USP45: variants seen among roughly 807,000 people sequenced by gnomAD.
USP45 encodes the protein ubiquitin specific peptidase 45.
Under a neutral mutation model 95.8 loss-of-function variants are expected in USP45, and 89 were observed. The ratio of observed to expected loss-of-function variants is 0.93; its 90% CI spans 0.78 to 1.11. The LOEUF (loss-of-function observed/expected upper bound fraction) is 1.11, where lower values mean the gene tolerates loss of function less well. USP45 is among the 50% of genes least tolerant of loss of function. The pLI is 0.00. For missense variants in USP45, 898 were observed against 942.5 expected (o/e 0.95, Z 0.62); for synonymous variants, 281 against 316.2 (o/e 0.89, Z 1.18).
At chr6:99,486,774 CTT>C (rs546166390) in intron 7 of USP45, among the ~76,000 whole-genome samples, 77 of 151,994 alleles carry the variant, frequency 5.1e-4, no homozygotes, top group Non-Finnish European at 4.9e-4. Context: ...TTTTAGAACT[CTT>C]TAATTGTTTT....
chr6:99,511,859 A>G (rs1474485028), intron 1 of USP45, among the ~76,000 whole-genome samples: 2 of 81,322 alleles, frequency 2.5e-5, no homozygotes, highest in Non-Finnish European at 5.5e-5. Flanking sequence ...ATATATATAT[A>G]TATATATATA....
Position 99,509,970 on chromosome 6 carries a change from A to AT in USP45, c.100+150dup, listed in dbSNP as rs373224460. On this transcript the variant is annotated intron_variant, in intron 2 of 17. Transcript: ENST00000500704. The stretch of plus-strand genomic sequence containing the variant: ...CCTGCCAAGTATGCAGTTTTCACGC[A>AT]TCCCAAGAATAGTGTATTTTCCATC... The AT allele has an allele frequency of 3.0e-4, 183 of 607,846 alleles. No individual in the cohort carries two copies. In the African/African-American group the frequency reaches 3.3e-3, roughly 11 times the overall value. 37.7% of individuals were successfully genotyped at this position (607,846 alleles called of 1,614,324 possible). A position where few individuals can be genotyped will look rare whatever the true frequency, so the allele number is the denominator to read the frequency against.
intron 5 of USP45, among the ~76,000 whole-genome samples, chr6:99,502,663 C>T (rs904863212): frequency 1.3e-5 from 2 of 152,166 alleles, no homozygotes; most frequent in Admixed American, 1.3e-4. Context: ...AATCTCATGT[C>T]GAGTTGTAAT....
At chr6:99,454,316 T>G (rs1357005500) in intron 13 of USP45, among the ~76,000 whole-genome samples, 1 of 152,086 alleles carries the variant, frequency 6.6e-6, no homozygotes, top group African/African-American at 2.4e-5. Context: ...CAACTCAAGA[T>G]AGATAAAAGA....
In USP45 at chr6:99,439,810, G is replaced by A; in HGVS notation, c.2119C>T (p.Leu707Phe). Residue 707 changes from leucine (L) to phenylalanine (F), a missense_variant, in exon 16 of 18, where the codon CTT (leucine) becomes TTT (phenylalanine). Physicochemically the swap from Leu to Phe is conservative, Grantham distance 22. Coordinates refer to ENST00000500704, the MANE Select transcript of USP45 (RefSeq NM_001346022.3). Reference protein sequence around the residue: ...RKVNRHVDFPLMLDLAPFCSA... With the variant: ...RKVNRHVDFPFMLDLAPFCSA... ...CAGAATGGTGCTAAATCGAGCATAA[G>A]TGGAAAATCTACATGTCTGTTTACT... 6.2e-7 allele frequency: 1 copy of A among 1,608,270 alleles called. No individual in the cohort carries two copies.
chr6:99,455,921 T>C (rs1489278961), intron 13 of USP45, among the ~76,000 whole-genome samples: 1 of 143,478 alleles, frequency 7.0e-6, no homozygotes, highest in Non-Finnish European at 1.5e-5. Flanking sequence ...GATCATGAGG[T>C]CAGGAGATGG....
intron 11 of USP45, among the ~76,000 whole-genome samples, chr6:99,466,073 G>A (rs1178950540): frequency 6.6e-6 from 1 of 151,814 alleles, no homozygotes; most frequent in African/African-American, 2.4e-5. Context: ...CTATAGTGCA[G>A]TAGTGCGATC....
intron 13 of USP45, among the ~76,000 whole-genome samples, chr6:99,463,136 G>A (rs1786953957): frequency 6.6e-6 from 1 of 152,000 alleles, no homozygotes; most frequent in African/African-American, 2.4e-5. Flanking sequence ...CAACAGCCAG[G>A]TATGTCCCTA....
intron 1 of USP45, among the ~76,000 whole-genome samples, chr6:99,514,118 G>A (rs1273543965): frequency 6.6e-6 from 1 of 152,088 alleles, no homozygotes; most frequent in Non-Finnish European, 1.5e-5. Flanking sequence ...AGGATGCACG[G>A]GACTCAACAT....
At chr6:99,496,202 C>T (rs1260365760) in intron 5 of USP45, among the ~76,000 whole-genome samples, 2 of 152,068 alleles carry the variant, frequency 1.3e-5, no homozygotes, top group African/African-American at 4.8e-5. Flanking sequence ...TATGCTCGTC[C>T]TGAAGAACTG....
Position 99,443,221 on chromosome 6 carries a change from C to T in USP45, c.2073+344G>A, listed in dbSNP as rs116645432. 7.5e-3 allele frequency among the ~76,000 whole-genome samples: 1,145 copies of T among 152,190 alleles called. 21 individuals carry two copies. The highest frequency in any genetic ancestry group is 0.026 in the African/African-American group (1,060 of 41,528). Reference sequence around the variant, plus strand: ...GACAGAGCAAGACTCTTATTTCCATCTGGTCTCGAACTCCTGACCTCAGGT... The same window carrying T: ...GACAGAGCAAGACTCTTATTTCCATTTGGTCTCGAACTCCTGACCTCAGGT... On this transcript the variant is annotated intron_variant, in intron 15 of 17. Transcript: ENST00000500704.
chr6:99,435,965 G>T, intron 17 of USP45, 119 bp from the exon 18 acceptor site: 3 of 1,060,812 alleles, frequency 2.8e-6, no homozygotes, highest in South Asian at 2.1e-5. Context: ...TACCTGAGAA[G>T]CCTGTTTTTT....
At chr6:99,495,299 G>C (rs1474265038) in intron 5 of USP45, among the ~76,000 whole-genome samples, 1 of 152,158 alleles carries the variant, frequency 6.6e-6, no homozygotes, top group Admixed American at 6.5e-5. Flanking sequence ...ACAACCAATA[G>C]TGGGTTTGTT....
chr6:99,507,545 G>A lies in USP45; in HGVS notation c.274-14C>T, dbSNP rs1798814377. The stretch of plus-strand genomic sequence containing the variant: ...TTTACCACATCCCTGAAGATGAACA[G>A]AATTTTATTTTGTATGACTTACAAA... On this transcript the variant is annotated splice_polypyrimidine_tract_variant and intron_variant, in intron 3 of 17. Transcript: ENST00000500704. The A allele has an allele frequency of 6.5e-7, 1 of 1,529,688 alleles. No homozygotes were observed. The highest frequency in any genetic ancestry group is 9.0e-7 in the Non-Finnish European group (1 of 1,108,110). 94.8% of individuals were successfully genotyped at this position (1,529,688 alleles called of 1,614,324 possible).
rs1787564814 is a variant in USP45 at position 99,465,009 on chromosome 6, C to G, written c.1164+71G>C. The G allele has an allele frequency of 3.8e-6, 5 of 1,313,796 alleles. No individual in the cohort carries two copies. The Admixed American group carries it at 1.1e-4, about 29-fold the overall frequency. The allele number at this position is 1,313,796 out of a possible 1,614,324, so 81.4% of individuals were successfully genotyped here. The stretch of plus-strand genomic sequence containing the variant: ...TGACTCTCAGATATCTGGTAATATA[C>G]TCAACAAATGTTTAAATAAATGATT... On this transcript the variant is annotated intron_variant, in intron 12 of 17. Coordinates refer to ENST00000500704, the MANE Select transcript of USP45 (RefSeq NM_001346022.3).
intron 9 of USP45, among the ~76,000 whole-genome samples, chr6:99,472,416 A>G (rs560002231): frequency 7.4e-4 from 112 of 152,144 alleles, no homozygotes; most frequent in African/African-American, 2.6e-3. Context: ...GGGTTTCACC[A>G]TGTTGGCCAA....
At chr6:99,470,575 TAC>T (rs1789159118) in intron 9 of USP45, among the ~76,000 whole-genome samples, 1 of 152,158 alleles carries the variant, frequency 6.6e-6, no homozygotes, top group Non-Finnish European at 1.5e-5. Flanking sequence ...AGTCCTGAAA[TAC>T]ACTTATATAC....
intron 2 of USP45, 29 bp from the exon 3 acceptor site, chr6:99,508,811 T>C (rs753964992): frequency 1.3e-6 from 2 of 1,575,330 alleles, no homozygotes; most frequent in South Asian, 2.4e-5. Flanking sequence ...AATCTCAACA[T>C]TTTCTTTGCT....
intron 13 of USP45, 38 bp from the exon 14 acceptor site, chr6:99,446,501 T>C: frequency 6.5e-7 from 1 of 1,532,638 alleles, no homozygotes; most frequent in Non-Finnish European, 8.8e-7. Context: ...AAGAGTCTTG[T>C]AACCTCATTG....
Sources: gnomAD v4.1 joint callset for allele counts (sites outside exome capture counted in the v4.1 genomes callset) on GRCh38, gnomAD v4.1.1 for gene constraint, MANE v1.5 for transcripts, NCBI Gene and HGNC (gene_info 2026-07-23, HGNC 2026-07-21) for gene names.